The following PTPN20 variants were observed in gnomAD, a reference collection of about 807,000 sequenced individuals.
The protein encoded by PTPN20 is protein tyrosine phosphatase non-receptor type 20.
In PTPN20, 9 loss-of-function variants were observed where a neutral mutation model predicts 35.0. The ratio of observed to expected loss-of-function variants is 0.26; its 90% CI spans 0.15 to 0.45. The LOEUF is 0.45. Among genes scored for constraint, PTPN20 ranks in the 20% least tolerant of loss-of-function variants. The pLI is 1.00. For synonymous variants in PTPN20, 32 were observed against 100.2 expected (o/e 0.32, Z 4.06); for missense variants, 111 against 312.5 (o/e 0.36, Z 4.86).
intron 1 of PTPN20, among the ~76,000 whole-genome samples, chr10:46,927,897 G>A (rs2038100446): frequency 6.6e-6 from 1 of 151,628 alleles, no homozygotes. Context: ...AGTGTAAACA[G>A]ACAAATGGAC....
At chr10:46,995,332 T>TA (rs2058865229) in intron 9 of PTPN20, among the ~76,000 whole-genome samples, 1 of 136,764 alleles carries the variant, frequency 7.3e-6, no homozygotes, top group East Asian at 2.1e-4. Flanking sequence ...ATTTTTTTTT[T>TA]CTTTTTTTTT....
Position 46,926,894 on chromosome 10 carries a change from G to C in PTPN20, c.-123-5483G>C, listed in dbSNP as rs1218312089. On this transcript the variant is annotated intron_variant, in intron 1 of 10. Coordinates refer to ENST00000374339, the MANE Select transcript of PTPN20 (RefSeq NM_001042357.5). ...AGTTTAGGGTTTTTATCAGGGGTTA[G>C]TCATGAGCACAGACTGTCAGTGTGA... Among the ~76,000 whole-genome samples the C allele has an allele frequency of 4.6e-5, 7 of 151,110 alleles. 1 individual carries two copies. The highest frequency in any genetic ancestry group is 1.7e-4 in the African/African-American group (7 of 40,616).
chr10:46,995,322 A>ATTTTTTTTTCTTTTTT (rs2058857101), intron 9 of PTPN20, among the ~76,000 whole-genome samples: 1 of 87,606 alleles, frequency 1.1e-5, no homozygotes, highest in Admixed American at 1.1e-4. Flanking sequence ...TACCTGTCGA[A>ATTTTTTTTTCTTTTTT]TTTTTTTTTT....
At chr10:46,979,275 A>G (rs2054617192) in intron 7 of PTPN20, among the ~76,000 whole-genome samples, 1 of 108,646 alleles carries the variant, frequency 9.2e-6, no homozygotes, top group South Asian at 3.3e-4. Flanking sequence ...GCAGGGGCTT[A>G]TGGAGGTCAT....
intron 1 of PTPN20, among the ~76,000 whole-genome samples, 170 bp from the exon 2 acceptor site, chr10:46,932,207 T>C (rs1170033510): frequency 1.3e-5 from 2 of 152,132 alleles, no homozygotes; most frequent in Non-Finnish European, 2.9e-5. Context: ...GTATCTCCAG[T>C]TCTCAAGGAA....
chr10:46,923,266 G>T (rs1555110273), intron 1 of PTPN20, among the ~76,000 whole-genome samples: 1 of 144,412 alleles, frequency 6.9e-6, no homozygotes, highest in Non-Finnish European at 1.5e-5. Context: ...TTGATTTAAG[G>T]CTTCTAATTT....
At chr10:47,000,577 C>T in intron 10 of PTPN20, 99 bp from the exon 11 acceptor site, 1 of 1,430,946 alleles carries the variant, frequency 7.0e-7, no homozygotes, top group Non-Finnish European at 9.7e-7. Context: ...TTTTTAGGAA[C>T]TTTCCAGTGT....
intron 7 of PTPN20, among the ~76,000 whole-genome samples, chr10:46,980,055 A>C (rs1224464499): frequency 1.3e-5 from 2 of 149,860 alleles, no homozygotes; most frequent in Admixed American, 1.3e-4. Flanking sequence ...GTCAGAGGGT[A>C]GGAGATATAT....
chr10:46,923,910 G>A (rs1386153540), intron 1 of PTPN20, among the ~76,000 whole-genome samples: 11 of 152,274 alleles, frequency 7.2e-5, no homozygotes, highest in African/African-American at 1.2e-4. Context: ...TATATATTTT[G>A]TTATATTTAT....
chr10:47,000,646 T>C, intron 10 of PTPN20, 30 bp from the exon 11 acceptor site: 2 of 1,609,766 alleles, frequency 1.2e-6, no homozygotes, highest in Non-Finnish European at 1.7e-6. Flanking sequence ...TTACTTAACA[T>C]TCTGTTGTTT....
chr10:46,953,391 C>CTTTCT (rs2047401786), intron 5 of PTPN20, among the ~76,000 whole-genome samples: 1 of 118,304 alleles, frequency 8.5e-6, no homozygotes, highest in Non-Finnish European at 1.7e-5. Flanking sequence ...TTCTTTCTTT[C>CTTTCT]TTTCTTTTTT....
intron 2 of PTPN20, among the ~76,000 whole-genome samples, chr10:46,937,439 A>G (rs2042015977): frequency 1.3e-5 from 2 of 152,126 alleles, no homozygotes; most frequent in Admixed American, 1.3e-4. Context: ...GTAACACTTC[A>G]GCTATTATTT....
intron 1 of PTPN20, among the ~76,000 whole-genome samples, chr10:46,929,241 A>T (rs1383188075): frequency 1.7e-5 from 2 of 119,746 alleles, no homozygotes; most frequent in African/African-American, 7.4e-5. Context: ...TCTTTTATTT[A>T]TGATTAGATG....
chr10:46,953,090 CAT>C (rs2047188974), intron 5 of PTPN20, among the ~76,000 whole-genome samples: 1 of 143,694 alleles, frequency 7.0e-6, no homozygotes, highest in Non-Finnish European at 1.5e-5. Context: ...TAATATTTCA[CAT>C]GTTTTGGTGC....
intron 2 of PTPN20, among the ~76,000 whole-genome samples, chr10:46,938,987 G>A (rs1362745755): frequency 6.6e-6 from 1 of 151,972 alleles, no homozygotes; most frequent in Non-Finnish European, 1.5e-5. Context: ...TATATTATTG[G>A]CCTGTAAGTC....
At chr10:46,945,193 T>C (rs2044348289) in intron 4 of PTPN20, among the ~76,000 whole-genome samples, 1 of 150,204 alleles carries the variant, frequency 6.7e-6, no homozygotes, top group African/African-American at 2.5e-5. Context: ...GAGAGGGAAG[T>C]AATGCCATAT....
intron 9 of PTPN20, among the ~76,000 whole-genome samples, chr10:46,994,693 T>G (rs1270846316): frequency 6.6e-6 from 1 of 152,168 alleles, no homozygotes; most frequent in Non-Finnish European, 1.5e-5. Context: ...TTGTTATTAT[T>G]TCTTTGAATA....
chr10:46,972,400 C>A (rs1352631764), intron 7 of PTPN20, among the ~76,000 whole-genome samples: 6 of 146,568 alleles, frequency 4.1e-5, no homozygotes, highest in African/African-American at 7.5e-5. Context: ...TTTACACTCA[C>A]TGCAATGAAA....
intron 9 of PTPN20, among the ~76,000 whole-genome samples, chr10:46,998,860 G>A (rs1033433372): frequency 3.5e-4 from 54 of 152,170 alleles, no homozygotes; most frequent in African/African-American, 1.2e-3. Context: ...GGTGGCTGAC[G>A]CCTATAATCC....
Sources: allele counts gnomAD v4.1 joint callset (sites outside exome capture counted in the v4.1 genomes callset), GRCh38; gene constraint gnomAD v4.1.1; transcripts MANE v1.5; gene names NCBI Gene and HGNC (gene_info 2026-07-23, HGNC 2026-07-21).